The following MYO5B variants were observed in gnomAD, a reference collection of about 807,000 sequenced individuals.
MYO5B encodes the protein myosin VB, also known as unconventional myosin-Vb.
A neutral mutation model predicts 229.3 loss-of-function variants in MYO5B; 143 were observed. The observed-to-expected ratio is 0.62, with a 90% CI of 0.54 to 0.72. The LOEUF is 0.72. MYO5B is among the 30% of genes least tolerant of loss of function. The pLI is 0.00. For missense variants in MYO5B, 2,321 were observed against 2,331.0 expected (o/e 1.00, Z 0.09); for synonymous variants, 918 against 885.2 (o/e 1.04, Z -0.66).
intron 7 of MYO5B, among the ~76,000 whole-genome samples, chr18:49,985,071 A>G (rs1263944845): frequency 1.3e-5 from 2 of 152,202 alleles, no homozygotes; most frequent in Non-Finnish European, 2.9e-5. Flanking sequence ...CTGGCACGGG[A>G]AACATATGTT....
intron 5 of MYO5B, among the ~76,000 whole-genome samples, chr18:49,994,034 A>C (rs1012772841): frequency 6.6e-6 from 1 of 151,920 alleles, no homozygotes; most frequent in African/African-American, 2.4e-5. Context: ...CAAGCTTCCC[A>C]TAGGCAGTTC....
At chr18:50,194,679 T>A in intron 1 of MYO5B, 88 bp downstream of exon 1, 1 of 945,004 alleles carries the variant, frequency 1.1e-6, no homozygotes, top group Non-Finnish European at 1.6e-6. Context: ...CCGCCTCCAG[T>A]AGCCGAGGGA....
At chr18:50,011,836 C>T (rs1360517292) in intron 4 of MYO5B, among the ~76,000 whole-genome samples, 1 of 151,904 alleles carries the variant, frequency 6.6e-6, no homozygotes, top group Admixed American at 6.6e-5. Flanking sequence ...GTGTCCAGGC[C>T]CTGCTTAGCA....
chr18:49,944,395 A>G (rs533926213), intron 14 of MYO5B, among the ~76,000 whole-genome samples: 1 of 152,250 alleles, frequency 6.6e-6, no homozygotes, highest in Non-Finnish European at 1.5e-5. Context: ...CTACAGCATA[A>G]GGAAGAGCCC....
At chr18:50,119,525 A>C (rs1294232497) in intron 1 of MYO5B, among the ~76,000 whole-genome samples, 1 of 152,330 alleles carries the variant, frequency 6.6e-6, no homozygotes, top group East Asian at 1.9e-4. Flanking sequence ...ACAGGGTCAG[A>C]GAGAGACAAC....
intron 2 of MYO5B, among the ~76,000 whole-genome samples, chr18:50,053,296 G>A (rs2030452254): frequency 6.6e-6 from 1 of 152,190 alleles, no homozygotes; most frequent in African/African-American, 2.4e-5. Context: ...TTGTAGCAGG[G>A]GAAGGAGGAG....
At chr18:50,158,524 G>T (rs891385940) in intron 1 of MYO5B, among the ~76,000 whole-genome samples, 26 of 152,084 alleles carry the variant, frequency 1.7e-4, no homozygotes, top group African/African-American at 6.3e-4. Context: ...TACATGTATT[G>T]CTCATGTACA....
At chr18:49,937,121 G>T in intron 15 of MYO5B, 124 bp downstream of exon 15, 1 of 1,160,466 alleles carries the variant, frequency 8.6e-7, no homozygotes, top group Admixed American at 1.8e-5. Flanking sequence ...GAGCTGGATG[G>T]CTGAGGCTAC....
In MYO5B at chr18:49,904,831, G is replaced by A; in HGVS notation, c.2415-3C>T. On this transcript the variant is annotated splice_region_variant and splice_polypyrimidine_tract_variant and intron_variant, in intron 19 of 39. Coordinates refer to ENST00000285039, the MANE Select transcript of MYO5B (RefSeq NM_001080467.3). ...TCCTCCGCAGGTGCTCAGCCAGCCTGGGGAGCAAGAGGAAACAGGCAGTGT... is the reference window on the plus strand; with the variant it reads ...TCCTCCGCAGGTGCTCAGCCAGCCTAGGGAGCAAGAGGAAACAGGCAGTGT... 6.2e-7 allele frequency: 1 copy of A among 1,613,508 alleles called. No individual in the cohort carries two copies. The highest frequency in any genetic ancestry group is 8.5e-7 in the Non-Finnish European group (1 of 1,180,004).
At position 49,894,933 on chromosome 18, in the gene MYO5B, G is replaced by T; in HGVS notation, c.3045+8C>A. On this transcript the variant is annotated splice_region_variant and intron_variant, in intron 22 of 39. Coordinates refer to ENST00000285039, the MANE Select transcript of MYO5B (RefSeq NM_001080467.3). ...TTGCCAGCGCCTGCCCCTCTGGCCT[G>T]AGCATACCTTCCTCAGCTCATCTTT... is the stretch of plus-strand genomic sequence containing the variant. 2 of 1,611,494 alleles carry T rather than the reference G, an allele frequency of 1.2e-6. No individual in the cohort carries two copies. Among genetic ancestry groups the T allele is most frequent in the Non-Finnish European group, 1.7e-6 (2 of 1,179,768 alleles).
intron 2 of MYO5B, among the ~76,000 whole-genome samples, chr18:50,042,899 C>A (rs1406656168): frequency 2.0e-5 from 3 of 152,148 alleles, no homozygotes; most frequent in African/African-American, 7.2e-5. Flanking sequence ...AAAGCCAGGA[C>A]CTGAGCCCAA....
intron 1 of MYO5B, among the ~76,000 whole-genome samples, chr18:50,194,068 CTT>C (rs1393631344): frequency 6.6e-5 from 10 of 152,216 alleles, no homozygotes; most frequent in Non-Finnish European, 1.3e-4. Flanking sequence ...CTGAAGCCCT[CTT>C]TGTACCAAAG....
intron 5 of MYO5B, among the ~76,000 whole-genome samples, chr18:50,000,282 G>A (rs527831287): frequency 5.9e-5 from 9 of 152,212 alleles, no homozygotes; most frequent in Non-Finnish European, 1.3e-4. Context: ...ATGGAAACCT[G>A]ATGCTATCTT....
chr18:49,863,257 T>C lies in MYO5B; in HGVS notation c.3914A>G (p.Glu1305Gly). 1 of 1,613,496 alleles carries C rather than the reference T, an allele frequency of 6.2e-7. No homozygotes were observed. Residue 1305 changes from glutamate to glycine, a missense_variant, in exon 29 of 40, where the codon GAG becomes GGG. Coordinates refer to ENST00000285039, the MANE Select transcript of MYO5B (RefSeq NM_001080467.3). ...EKHVDQEDAIEAYHGVCQTNS... is the reference protein window; with the variant it reads ...EKHVDQEDAIGAYHGVCQTNS... ...TGTCTGGCAGACCCCGTGATAGGCC[T>C]CAATGGCATCCTCCTGGTCAACATG...
At position 49,835,433 on chromosome 18, in the gene MYO5B, GATAAA is replaced by G. The variant is rs2023976279; in HGVS notation, c.5314-14_5314-10del. 6.3e-7 allele frequency: 1 copy of G among 1,583,770 alleles called. No individual in the cohort carries two copies. The highest frequency in any genetic ancestry group is 1.1e-5 in the South Asian group (1 of 90,428). On this transcript the variant is annotated splice_polypyrimidine_tract_variant and intron_variant, in intron 38 of 39. Coordinates refer to ENST00000285039, the MANE Select transcript of MYO5B (RefSeq NM_001080467.3). ...TTTAAAATTTTGACAATCTGTTGGG[GATAAA>G]AACGGAATTTAGCACAGAGCTAAAT...
chr18:50,086,177 C>G (rs2031325732), intron 1 of MYO5B, among the ~76,000 whole-genome samples: 2 of 152,190 alleles, frequency 1.3e-5, no homozygotes, highest in South Asian at 4.2e-4. Context: ...GGATTTATGG[C>G]CTATTTCTAC....
chr18:49,909,089 G>A (rs945243703), intron 18 of MYO5B, among the ~76,000 whole-genome samples: 7 of 152,292 alleles, frequency 4.6e-5, no homozygotes, highest in Admixed American at 1.3e-4. Flanking sequence ...GTTCTAAAAC[G>A]TACTTAGAAC....
At chr18:50,113,964 G>T (rs1342807214) in intron 1 of MYO5B, among the ~76,000 whole-genome samples, 1 of 152,118 alleles carries the variant, frequency 6.6e-6, no homozygotes, top group Non-Finnish European at 1.5e-5. Flanking sequence ...TGAACAAATG[G>T]GATCAGATTT....
At chr18:50,194,101 T>C (rs960126287) in intron 1 of MYO5B, among the ~76,000 whole-genome samples, 1 of 152,128 alleles carries the variant, frequency 6.6e-6, no homozygotes, top group Non-Finnish European at 1.5e-5. Context: ...AAAACATCCA[T>C]CCCCAGCAAA....
Sources: gnomAD v4.1 joint callset for allele counts (sites outside exome capture counted in the v4.1 genomes callset) on GRCh38, gnomAD v4.1.1 for gene constraint, MANE v1.5 for transcripts, NCBI Gene and HGNC (gene_info 2026-07-23, HGNC 2026-07-21) for gene names.